ASIC2: variants seen among roughly 807,000 people sequenced by gnomAD.
ASIC2 encodes acid sensing ion channel subunit 2, also known as acid-sensing ion channel 2.
Under a neutral mutation model 57.3 loss-of-function variants are expected in ASIC2, and 25 were observed. The observed-to-expected ratio is 0.44, with a 90% confidence interval of 0.32 to 0.61. The LOEUF (loss-of-function observed/expected upper bound fraction) is 0.61, where lower values mean the gene tolerates loss of function less well. Among genes scored for constraint, ASIC2 ranks in the 20% least tolerant of loss-of-function variants. ASIC2 has a pLI of 0.06. For missense variants in ASIC2, 641 were observed against 738.1 expected, an observed-to-expected ratio of 0.87 and a Z score of 1.52; for synonymous variants, 319 against 307.5, an observed-to-expected ratio of 1.04 and a Z score of -0.39.
At chr17:33,485,321 G>A (rs553561159) in intron 1 of ASIC2, among the ~76,000 whole-genome samples, 149 of 152,352 alleles carry the variant, frequency 9.8e-4, no homozygotes, top group African/African-American at 3.4e-3. Context: ...GCTGCCCAGG[G>A]TCAAGCCAAT....
At chr17:33,460,183 T>A (rs898560811) in intron 1 of ASIC2, among the ~76,000 whole-genome samples, 1 of 152,314 alleles carries the variant, frequency 6.6e-6, no homozygotes, top group Admixed American at 6.5e-5. Context: ...AGGATTAGCT[T>A]CGGGTATTGA....
intron 1 of ASIC2, among the ~76,000 whole-genome samples, chr17:34,091,995 G>A (rs1424254328): frequency 6.6e-6 from 1 of 152,188 alleles, no homozygotes; most frequent in East Asian, 1.9e-4. Context: ...ACTTCCATGG[G>A]GGTAGGAGCT....
chr17:33,566,987 AC>A (rs1244875137), intron 1 of ASIC2, among the ~76,000 whole-genome samples: 3 of 152,088 alleles, frequency 2.0e-5, no homozygotes, highest in Non-Finnish European at 4.4e-5. Flanking sequence ...ATCTTCCAGA[AC>A]CCAGCTCCTG....
chr17:33,725,370 T>C (rs1480923057), intron 1 of ASIC2, among the ~76,000 whole-genome samples: 2 of 152,170 alleles, frequency 1.3e-5, no homozygotes, highest in Non-Finnish European at 2.9e-5. Flanking sequence ...CAGGAGGTTT[T>C]CTGTAGGGCA....
intron 1 of ASIC2, among the ~76,000 whole-genome samples, chr17:33,570,675 G>T (rs1008192814): frequency 2.0e-5 from 3 of 152,272 alleles, no homozygotes; most frequent in East Asian, 1.9e-4. Flanking sequence ...ATTCTGAGTT[G>T]GTTGGGTGGT....
chr17:34,060,807 G>T (rs61193976), intron 1 of ASIC2, among the ~76,000 whole-genome samples: 2 of 152,078 alleles, frequency 1.3e-5, no homozygotes, highest in South Asian at 2.1e-4. Flanking sequence ...AAAGAGAAAA[G>T]AATAAGAAAA....
chr17:33,208,391 C>T (rs1163446068), intron 1 of ASIC2, among the ~76,000 whole-genome samples: 1 of 152,174 alleles, frequency 6.6e-6, no homozygotes, highest in African/African-American at 2.4e-5. Context: ...CCCTCCCCAA[C>T]CCATCCCAGA....
chr17:33,891,193 T>C (rs1914952685), intron 1 of ASIC2, among the ~76,000 whole-genome samples: 1 of 152,186 alleles, frequency 6.6e-6, no homozygotes, highest in Admixed American at 6.5e-5. Context: ...GAACATGATA[T>C]ATCACCCGGC....
At chr17:33,519,429 G>A (rs114751350) in intron 1 of ASIC2, among the ~76,000 whole-genome samples, 2 of 152,208 alleles carry the variant, frequency 1.3e-5, no homozygotes, top group South Asian at 2.1e-4. Context: ...GACATTTGAC[G>A]AGCTATGACC....
intron 1 of ASIC2, among the ~76,000 whole-genome samples, chr17:33,560,800 G>A (rs759916072): frequency 2.6e-5 from 4 of 152,064 alleles, no homozygotes; most frequent in Non-Finnish European, 4.4e-5. Context: ...AACTCCATAC[G>A]TTAGGATCTA....
At chr17:34,129,673 A>T (rs1414825271) in intron 1 of ASIC2, among the ~76,000 whole-genome samples, 3 of 152,226 alleles carry the variant, frequency 2.0e-5, no homozygotes, top group Admixed American at 2.0e-4. Context: ...TCCTGCCCTG[A>T]GGAAATCTAA....
At chr17:34,031,795 G>T (rs1472923404) in intron 1 of ASIC2, among the ~76,000 whole-genome samples, 3 of 152,152 alleles carry the variant, frequency 2.0e-5, no homozygotes, top group Non-Finnish European at 4.4e-5. Flanking sequence ...AATGAAGCGA[G>T]AAGAGAAGTT....
chr17:33,152,890 C>T (rs936782910), intron 1 of ASIC2, among the ~76,000 whole-genome samples: 14 of 152,124 alleles, frequency 9.2e-5, no homozygotes, highest in African/African-American at 2.9e-4. Context: ...GTTGAAAAAT[C>T]GAACCCAGCA....
At chr17:33,439,313 T>C (rs1052819863) in intron 1 of ASIC2, among the ~76,000 whole-genome samples, 2 of 152,146 alleles carry the variant, frequency 1.3e-5, no homozygotes, top group Non-Finnish European at 2.9e-5. Context: ...TAACTTAAAC[T>C]GGTCTTAAAA....
intron 1 of ASIC2, among the ~76,000 whole-genome samples, chr17:33,446,111 T>A (rs1912008279): frequency 6.6e-6 from 1 of 152,002 alleles, no homozygotes; most frequent in African/African-American, 2.4e-5. Context: ...AAGAGATGGA[T>A]GGGACGAGGG....
chr17:33,076,434 G>A (rs1309153423), intron 3 of ASIC2, among the ~76,000 whole-genome samples: 1 of 152,166 alleles, frequency 6.6e-6, no homozygotes, highest in South Asian at 2.1e-4. Context: ...GCTGCATTAT[G>A]CACATCCTTA....
At position 33,098,216 on chromosome 17, in the gene ASIC2, G is replaced by GA. The variant is rs200100981; in HGVS notation, c.860-9227dup. On this transcript the variant is annotated intron_variant, in intron 2 of 9. Transcript: ENST00000225823. ...CATTTTAATCTCCTGCAAAATAGAT[G>GA]AAAAAAAATAGATGTGGCTGTTCAT... 2.7e-3 allele frequency among the ~76,000 whole-genome samples: 417 copies of GA among 151,972 alleles called. 1 individual carries two copies. The highest frequency in any genetic ancestry group is 3.4e-3 in the Middle Eastern group (1 of 294).
At chr17:33,278,757 AT>A (rs879469567) in intron 1 of ASIC2, among the ~76,000 whole-genome samples, 123 of 147,454 alleles carry the variant, frequency 8.3e-4, no homozygotes, top group Middle Eastern at 3.5e-3. Flanking sequence ...GTCCACATAT[AT>A]TTTTTTTTTT....
chr17:34,136,652 T>C (rs9901065), intron 1 of ASIC2, among the ~76,000 whole-genome samples: 19,107 of 152,226 alleles, frequency 0.13, 1,367 homozygotes, highest in African/African-American at 0.2. Context: ...CATTATTGAT[T>C]TATGTCTTTG....
Sources: gnomAD v4.1 joint callset for allele counts (sites outside exome capture counted in the v4.1 genomes callset) on GRCh38, gnomAD v4.1.1 for gene constraint, MANE v1.5 for transcripts, NCBI Gene and HGNC (gene_info 2026-07-23, HGNC 2026-07-21) for gene names.